The following OGDH variants were observed in gnomAD, a reference collection of about 807,000 sequenced individuals.
OGDH encodes the protein oxoglutarate dehydrogenase, also known as 2-oxoglutarate dehydrogenase complex component E1.
In OGDH, 38 loss-of-function variants were observed where a neutral mutation model predicts 116.6. That is an observed-to-expected ratio of 0.33 (90% CI 0.25 to 0.43). The LOEUF is 0.43. Ranked by LOEUF, OGDH falls within the 20% of genes least tolerant of loss-of-function variation. The pLI is 1.00. For missense variants in OGDH, 825 were observed against 1,357.2 expected (o/e 0.61, Z 6.16); for synonymous variants, 488 against 533.3 (o/e 0.92, Z 1.17).
At chr7:44,639,305 G>A (rs1436672268) in intron 2 of OGDH, among the ~76,000 whole-genome samples, 2 of 152,146 alleles carry the variant, frequency 1.3e-5, no homozygotes, top group African/African-American at 4.8e-5. Context: ...ACAGGGAGGT[G>A]GAAAGAGAGT....
Position 44,707,935 on chromosome 7 carries a change from T to G in OGDH, c.3008T>G (p.Leu1003Arg). 6.2e-7 allele frequency: 1 copy of G among 1,613,900 alleles called. No individual in the cohort carries two copies. Among genetic ancestry groups the G allele is most frequent in the Non-Finnish European group, 8.5e-7 (1 of 1,180,016 alleles). The change falls in exon 23 of 23, where the codon CTG becomes CGG. Residue 1003 changes from leucine to arginine, a missense_variant. Physicochemically the swap from Leu to Arg is moderately radical, Grantham distance 102. Transcript: ENST00000222673. The surrounding 1 kb of genome is among the most constrained non-coding windows in gnomAD (Gnocchi z 5.2). ...GCCACCGGCAACAAGAAGACCCACC[T>G]GACGGAGCTGCAGCGCCTCCTGGAC... ...APATGNKKTH[L>R]TELQRLLDTA...
chr7:44,619,775 A>G (rs1784939109), intron 1 of OGDH, among the ~76,000 whole-genome samples: 3 of 152,098 alleles, frequency 2.0e-5, no homozygotes, highest in South Asian at 2.1e-4. Flanking sequence ...TCTTGATTAT[A>G]TATCTAGGAG....
In OGDH at chr7:44,696,602, C is replaced by T. The variant is rs769387490; in HGVS notation, c.1900+45C>T. On this transcript the variant is annotated intron_variant, in intron 14 of 22. Transcript: ENST00000222673. ...CCTGTGGAAATGTTGGGGCCCAGGCCAGGGGCGACGACTGTCTAGGACTGT... is the reference window on the plus strand; with the variant it reads ...CCTGTGGAAATGTTGGGGCCCAGGCTAGGGGCGACGACTGTCTAGGACTGT... 6 of 1,611,552 alleles carry T rather than the reference C, an allele frequency of 3.7e-6. No individual in the cohort carries two copies. In the South Asian group the frequency reaches 5.5e-5, roughly 15 times the overall value.
intron 1 of OGDH, among the ~76,000 whole-genome samples, chr7:44,612,771 A>C (rs1200925413): frequency 6.6e-6 from 1 of 152,016 alleles, no homozygotes; most frequent in Non-Finnish European, 1.5e-5. Context: ...ATCACAGCTC[A>C]CTGCAGCCTC....
chr7:44,619,448 C>T (rs1784926090), intron 1 of OGDH, among the ~76,000 whole-genome samples: 1 of 152,158 alleles, frequency 6.6e-6, no homozygotes, highest in East Asian at 1.9e-4. Flanking sequence ...TCACAGAAAT[C>T]TTCTGTGTTG....
intron 20 of OGDH, among the ~76,000 whole-genome samples, chr7:44,705,347 C>A (rs946403083): frequency 9.9e-5 from 15 of 152,030 alleles, no homozygotes; most frequent in Non-Finnish European, 1.8e-4. Context: ...CCACCGCGCC[C>A]GGCCAAGTTT....
At chr7:44,629,434 A>G (rs1785335869) in intron 2 of OGDH, among the ~76,000 whole-genome samples, 1 of 152,106 alleles carries the variant, frequency 6.6e-6, no homozygotes, top group East Asian at 1.9e-4. Context: ...CCTCCTGGCC[A>G]TTTGGCTTTC....
At chr7:44,636,599 G>T (rs918242373) in intron 2 of OGDH, among the ~76,000 whole-genome samples, 2 of 152,214 alleles carry the variant, frequency 1.3e-5, no homozygotes, top group African/African-American at 2.4e-5. Flanking sequence ...GTGAGCAGCT[G>T]CCACATGCAG....
chr7:44,690,202 A>T (rs1788308968), intron 10 of OGDH, among the ~76,000 whole-genome samples: 1 of 152,238 alleles, frequency 6.6e-6, no homozygotes, highest in Non-Finnish European at 1.5e-5. Context: ...AGAACTCCTA[A>T]CAGTGAGACC....
At chr7:44,633,111 G>A (rs987506753) in intron 2 of OGDH, among the ~76,000 whole-genome samples, 2 of 151,568 alleles carry the variant, frequency 1.3e-5, no homozygotes, top group African/African-American at 4.8e-5. Context: ...AAATTAGCCG[G>A]GCATGGTGGC....
intron 10 of OGDH, among the ~76,000 whole-genome samples, chr7:44,691,150 T>G (rs569825997): frequency 6.6e-6 from 1 of 152,200 alleles, no homozygotes; most frequent in Admixed American, 6.5e-5. Flanking sequence ...CTGAGTCTCT[T>G]ATTTCTTTTA....
intron 4 of OGDH, among the ~76,000 whole-genome samples, chr7:44,661,394 A>T (rs759399761): frequency 1.6e-4 from 25 of 152,062 alleles, no homozygotes; most frequent in Non-Finnish European, 3.4e-4. Context: ...TTTTATATTT[A>T]TCCACTTTTC....
chr7:44,647,641 C>G lies in OGDH; in HGVS notation c.415-16C>G. 6.2e-7 allele frequency: 1 copy of G among 1,606,108 alleles called. No individual in the cohort carries two copies. Among genetic ancestry groups the G allele is most frequent in the South Asian group, 1.1e-5 (1 of 90,900 alleles). On this transcript the variant is annotated splice_polypyrimidine_tract_variant and intron_variant, in intron 3 of 22. Transcript: ENST00000222673. Reference sequence around the variant, plus strand: ...TTTTGTGTGTGTCCTTCCCTCTCATCGTTGGCCACTCATAGATACGAGGGC... The same window carrying G: ...TTTTGTGTGTGTCCTTCCCTCTCATGGTTGGCCACTCATAGATACGAGGGC...
At chr7:44,686,710 A>C (rs1788143653) in intron 10 of OGDH, among the ~76,000 whole-genome samples, 1 of 132,826 alleles carries the variant, frequency 7.5e-6, no homozygotes, top group African/African-American at 2.9e-5. Context: ...TTTTTTTGAG[A>C]CGGAGTCTTG....
chr7:44,667,183 T>C (rs1787222957), intron 5 of OGDH, among the ~76,000 whole-genome samples: 1 of 152,130 alleles, frequency 6.6e-6, no homozygotes, highest in Non-Finnish European at 1.5e-5. Context: ...ATGCCTGGGC[T>C]CAAGTCATCC....
At chr7:44,673,758 C>T in intron 5 of OGDH, 29 bp from the exon 6 acceptor site, 2 of 1,612,944 alleles carry the variant, frequency 1.2e-6, no homozygotes, top group Non-Finnish European at 1.7e-6. Flanking sequence ...TTAGAAATCC[C>T]CTTGACTGTG....
At chr7:44,695,240 T>C (rs1788530475) in intron 12 of OGDH, among the ~76,000 whole-genome samples, 1 of 152,058 alleles carries the variant, frequency 6.6e-6, no homozygotes, top group South Asian at 2.1e-4. Flanking sequence ...GGATTACAGG[T>C]GCGAGCCACC....
intron 2 of OGDH, among the ~76,000 whole-genome samples, chr7:44,624,820 C>T (rs950243038): frequency 1.3e-5 from 2 of 151,816 alleles, no homozygotes; most frequent in African/African-American, 4.9e-5. Context: ...CCTCCAGCAT[C>T]TCCGCAAGGG....
chr7:44,686,933 C>T (rs1336263591), intron 10 of OGDH, among the ~76,000 whole-genome samples: 2 of 151,642 alleles, frequency 1.3e-5, no homozygotes, highest in African/African-American at 2.4e-5. Flanking sequence ...GTGATCCACC[C>T]GCCTCAGCCT....
Sources: allele counts gnomAD v4.1 joint callset (sites outside exome capture counted in the v4.1 genomes callset), GRCh38; gene constraint gnomAD v4.1.1; non-coding constraint Gnocchi (gnomAD v3.1); transcripts MANE v1.5; gene names NCBI Gene and HGNC (gene_info 2026-07-23, HGNC 2026-07-21).